The following SBF1 variants were observed in gnomAD, a reference collection of about 807,000 sequenced individuals.
SBF1 encodes the protein myotubularin-related protein 5.
Under a neutral mutation model 215.8 loss-of-function variants are expected in SBF1, and 65 were observed. That is an observed-to-expected ratio of 0.30 (90% CI 0.25 to 0.37). The LOEUF (loss-of-function observed/expected upper bound fraction) is 0.37. Ranked by LOEUF, SBF1 falls within the 10% of genes least tolerant of loss-of-function variation. The pLI, the probability that SBF1 is intolerant of heterozygous loss-of-function variation, is 1.00. For synonymous variants in SBF1, 1,410 were observed against 1,122.8 expected, an observed-to-expected ratio of 1.26 and a Z score of -5.11; for missense variants, 2,634 against 2,667.8, an observed-to-expected ratio of 0.99 and a Z score of 0.28.
intron 1 of SBF1, among the ~76,000 whole-genome samples, 166 bp downstream of exon 1, chr22:50,474,593 TCCCCCGACCCCGGCCCTCAGCGCCCAG>T (rs2068108300): frequency 7.3e-6 from 1 of 137,448 alleles, no homozygotes; most frequent in Non-Finnish European, 1.6e-5. Context: ...AGTCCTCGGC[TCCCCCGACCCCGGCCCTCAGCGCCCAG>T]CCCCCGGTCC....
At chr22:50,465,444 C>A (rs1168500943) in intron 10 of SBF1, 116 bp from the exon 11 acceptor site, 2 of 872,664 alleles carry the variant, frequency 2.3e-6, no homozygotes, top group South Asian at 3.3e-5. Context: ...CATCCTTCTG[C>A]CCCTCCCACC....
chr22:50,448,558 G>A lies in SBF1; in HGVS notation c.5136C>T (p.Gly1712=). 1 of 1,611,858 alleles carries A rather than the reference G, an allele frequency of 6.2e-7. No individual in the cohort carries two copies. Among genetic ancestry groups the A allele is most frequent in the East Asian group, 2.2e-5 (1 of 44,880 alleles). ...CCTCACTCACACGGCCGTCTGGCCGGCCCTCGAGGCGCTGTGCAGCCTTCA... is the reference window on the plus strand; with the variant it reads ...CCTCACTCACACGGCCGTCTGGCCGACCCTCGAGGCGCTGTGCAGCCTTCA... ...DRVKAAQRLE[G]RPDGRGTPSS... The change falls in exon 37 of 41, where the codon GGC becomes GGT. Residue 1712 remains glycine, a synonymous_variant. Transcript: ENST00000380817.
rs146650488 is a variant in SBF1 at position 50,445,925 on chromosome 22, GA to G, written c.*1216del. 2,090 of 115,120 alleles carry G rather than the reference GA, an allele frequency of 0.018. 43 individuals carry two copies. The highest frequency in any genetic ancestry group is 0.059 in the African/African-American group (1,832 of 31,162). 7.1% of individuals were successfully genotyped at this position (115,120 alleles called of 1,614,324 possible). A position where few individuals can be genotyped will look rare whatever the true frequency, so the allele number is the denominator to read the frequency against. The stretch of plus-strand genomic sequence containing the variant: ...CACCTGCTGCTCGCCTCCCACCTGA[GA>G]GGACCACCTGAGGGACCCAGCCTCT... On this transcript the variant is annotated 3_prime_UTR_variant, in exon 41 of 41. Coordinates refer to ENST00000380817, the MANE Select transcript of SBF1 (RefSeq NM_002972.4).
At chr22:50,452,863 G>A (rs1278338699) in intron 36 of SBF1, among the ~76,000 whole-genome samples, 1 of 151,820 alleles carries the variant, frequency 6.6e-6, no homozygotes, top group Non-Finnish European at 1.5e-5. Context: ...TCAACAGGGT[G>A]ATGTAATTTC....
rs2067654822 is a variant in SBF1, at chr22:50,464,350, C to T, written c.1728G>A (p.Gly576=). ...VRNCISYVFE[G]KMLEAKKLLP... ...TCACCTTCTTGGCCTCAAGCATTTT[C>T]CCCTCAAACACGTAGGAGATGCAGT... Residue 576 remains glycine (G), a synonymous_variant, in exon 15 of 41, where the codon GGG becomes GGA. Coordinates refer to ENST00000380817, the MANE Select transcript of SBF1 (RefSeq NM_002972.4). 1 of 1,613,982 alleles carries T rather than the reference C, an allele frequency of 6.2e-7. No homozygotes were observed.
At chr22:50,461,035 T>C (rs532158832) in intron 23 of SBF1, 124 bp downstream of exon 23, 7 of 1,289,696 alleles carry the variant, frequency 5.4e-6, no homozygotes, top group African/African-American at 1.5e-5. Context: ...GCCCCAGACA[T>C]GCAAGCGTAA....
At chr22:50,470,029 G>A (rs1382228084) in intron 1 of SBF1, among the ~76,000 whole-genome samples, 2 of 151,920 alleles carry the variant, frequency 1.3e-5, no homozygotes, top group African/African-American at 2.4e-5. Context: ...GAGGACAGGC[G>A]GCAGACGGGT....
chr22:50,460,442 A>T (rs760223214), intron 24 of SBF1, 34 bp from the exon 25 acceptor site: 4 of 1,602,414 alleles, frequency 2.5e-6, no homozygotes, highest in Non-Finnish European at 3.4e-6. Flanking sequence ...AGGTGAGAGG[A>T]GGAGGGACAA....
chr22:50,456,537 C>A lies in SBF1; in HGVS notation c.4041G>T (p.Pro1347=), dbSNP rs560672186. The A allele has an allele frequency of 6.3e-6, 10 of 1,577,280 alleles. No individual in the cohort carries two copies. Among genetic ancestry groups the A allele is most frequent in the Non-Finnish European group, 8.6e-6 (10 of 1,161,526 alleles). ...GGPPDPGFLR[P]QRAALYILGD... ...CAAGGATATAGAGGGCTGCTCGCTGCGGACGCAGGAAGCCCGGGTCGGGAG... is the reference window on the plus strand; with the variant it reads ...CAAGGATATAGAGGGCTGCTCGCTGAGGACGCAGGAAGCCCGGGTCGGGAG... Residue 1347 remains proline (P), a synonymous_variant, in exon 30 of 41, where the codon CCG becomes CCT. Coordinates refer to ENST00000380817, the MANE Select transcript of SBF1 (RefSeq NM_002972.4).
At position 50,457,915 on chromosome 22, in the gene SBF1, C is replaced by T. The variant is rs553298556; in HGVS notation, c.3827-804G>A. Among the ~76,000 whole-genome samples, 347 of 152,366 alleles carry T rather than the reference C, an allele frequency of 2.3e-3. 1 individual carries two copies. The highest frequency in any genetic ancestry group is 8.0e-3 in the African/African-American group (333 of 41,600). On this transcript the variant is annotated intron_variant, in intron 28 of 40. Transcript: ENST00000380817. Reference sequence around the variant, plus strand: ...GCCCAACACGCCCTGTGTCCTCTGACGGCTGCCACACTGCAGGCGCCCAGC... The same window carrying T: ...GCCCAACACGCCCTGTGTCCTCTGATGGCTGCCACACTGCAGGCGCCCAGC...
Position 50,455,493 on chromosome 22 carries a change from G to T in SBF1, c.4356C>A (p.Asp1452Glu), listed in dbSNP as rs774330539. Residue 1452 changes from aspartate (D) to glutamate (E), a missense_variant, in exon 32 of 41, where the codon GAC (aspartate) becomes GAA (glutamate). Physicochemically the swap from Asp to Glu is conservative, Grantham distance 45. Transcript: ENST00000380817. ...ACGCGCCACACACCTGGGTGGTGAT[G>T]TCCCAGCCATCCTCCAGGCCCACCA... The part of the protein sequence containing the change: ...SVLVGLEDGW[D>E]ITTQVVSLVQ... The T allele has an allele frequency of 6.2e-7, 1 of 1,609,250 alleles. No homozygotes were observed. Among genetic ancestry groups the T allele is most frequent in the East Asian group, 2.2e-5 (1 of 44,522 alleles).
At chr22:50,455,700 C>A (rs2067219516) in intron 31 of SBF1, 118 bp from the exon 32 acceptor site, 1 of 812,202 alleles carries the variant, frequency 1.2e-6, no homozygotes, top group East Asian at 2.7e-5. Flanking sequence ...GTCCACAGCC[C>A]CCCAAGCCCT....
intron 2 of SBF1, 140 bp downstream of exon 2, chr22:50,468,236 C>A: frequency 1.2e-6 from 1 of 803,582 alleles, no homozygotes; most frequent in Non-Finnish European, 1.9e-6. Context: ...TCAAACCCCC[C>A]GACAGAGGCT....
rs943083451 is a variant in SBF1, at chr22:50,446,593, CAAGT to C, written c.*545_*548del. The C allele has an allele frequency of 5.9e-5, 20 of 339,798 alleles. No individual in the cohort carries two copies. The highest frequency in any genetic ancestry group is 3.9e-4 in the African/African-American group (18 of 46,454). The allele number at this position is 339,798 out of a possible 1,614,324, so 21.0% of individuals were successfully genotyped here. A position where few individuals can be genotyped will look rare whatever the true frequency, so the allele number is the denominator to read the frequency against. On this transcript the variant is annotated 3_prime_UTR_variant, in exon 41 of 41. Transcript: ENST00000380817. ...GCCCTGAGGCGTGGAGGGAATCAAGCAAGTCCCCAGTGAAGCCTCCTGCTCGATC... is the reference window on the plus strand; with the variant it reads ...GCCCTGAGGCGTGGAGGGAATCAAGCCCCCAGTGAAGCCTCCTGCTCGATC...
chr22:50,462,168 C>T (rs764386490), intron 19 of SBF1, 37 bp downstream of exon 19: 18 of 1,607,550 alleles, frequency 1.1e-5, no homozygotes, highest in African/African-American at 6.7e-5. Flanking sequence ...ACCACGGCCC[C>T]GCCTCCACTG....
chr22:50,462,775 G>C (rs923709882), intron 17 of SBF1, 58 bp from the exon 18 acceptor site: 2 of 1,608,900 alleles, frequency 1.2e-6, no homozygotes, highest in African/African-American at 2.7e-5. Flanking sequence ...GGCTGGGAAG[G>C]AGACCTCGGC....
rs201456971 is a variant in SBF1 at position 50,467,502 on chromosome 22, G to A, written c.438+30C>T. Reference sequence around the variant, plus strand: ...GACAGCCGATGGAAGCACCCTCGTCGTGCCTCGCCGCCCCGGCTGCCGGCC... The same window carrying A: ...GACAGCCGATGGAAGCACCCTCGTCATGCCTCGCCGCCCCGGCTGCCGGCC... On this transcript the variant is annotated intron_variant, in intron 4 of 40. Transcript: ENST00000380817. 78 of 1,613,786 alleles carry A rather than the reference G, an allele frequency of 4.8e-5. 1 individual carries two copies. Among genetic ancestry groups the A allele is most frequent in the Admixed American group, 2.0e-4 (12 of 59,988 alleles).
In SBF1 at chr22:50,456,582, TG is replaced by T; in HGVS notation, c.3995del (p.Pro1332HisfsTer54). The T allele has an allele frequency of 1.3e-6, 2 of 1,554,584 alleles. No homozygotes were observed. Among genetic ancestry groups the T allele is most frequent in the Admixed American group, 1.9e-5 (1 of 51,522 alleles). On this transcript the variant is annotated frameshift_variant, in exon 30 of 41. Coordinates refer to ENST00000380817, the MANE Select transcript of SBF1 (RefSeq NM_002972.4). LOFTEE classifies it high-confidence loss of function. Reference sequence around the variant, plus strand: ...CGGGAGGGCCCCCGTTGGCCTGGGGTGGGGCCAGCGCGTCTCTGCCAGCTAG... The same window carrying T: ...CGGGAGGGCCCCCGTTGGCCTGGGGTGGGCCAGCGCGTCTCTGCCAGCTAG... ...SRLAGRDALA[P>X]PQANGGPPDP... is the part of the protein sequence containing the mutation.
At chr22:50,455,607 C>A (rs1262986549) in intron 31 of SBF1, 25 bp from the exon 32 acceptor site, 1 of 1,545,970 alleles carries the variant, frequency 6.5e-7, no homozygotes, top group Admixed American at 1.9e-5. Flanking sequence ...GGCCTCAGCA[C>A]CTCGGGGACC....
Sources: allele counts gnomAD v4.1 joint callset (sites outside exome capture counted in the v4.1 genomes callset), GRCh38; gene constraint gnomAD v4.1.1; transcripts MANE v1.5; gene names NCBI Gene and HGNC (gene_info 2026-07-23, HGNC 2026-07-21).